CAMTA1: variants seen among roughly 807,000 people sequenced by gnomAD.
The protein encoded by CAMTA1 is calmodulin-binding transcription activator 1.
Under a neutral mutation model 170.9 loss-of-function variants are expected in CAMTA1, and 27 were observed. The observed-to-expected ratio is 0.16, with a 90% CI of 0.12 to 0.22. CAMTA1 has a LOEUF of 0.22. CAMTA1 is among the 10% of genes least tolerant of loss of function. The probability of loss-of-function intolerance (pLI) is 1.00; values close to 1 mark genes in which losing one functional copy is unlikely to be tolerated. For missense variants in CAMTA1, 1,619 were observed against 2,217.2 expected (o/e 0.73, Z 5.42); for synonymous variants, 833 against 891.5 (o/e 0.93, Z 1.17).
chr1:7,077,822 T>C (rs963075560), intron 3 of CAMTA1, among the ~76,000 whole-genome samples: 2 of 152,144 alleles, frequency 1.3e-5, no homozygotes, highest in African/African-American at 2.4e-5. Context: ...TGTGTTCCTG[T>C]AGGCACCAGA....
intron 3 of CAMTA1, among the ~76,000 whole-genome samples, chr1:6,923,862 C>G (rs1039297473): frequency 6.6e-6 from 1 of 152,220 alleles, no homozygotes; most frequent in African/African-American, 2.4e-5. Flanking sequence ...ATCCCCTAGA[C>G]CTGCCAATTT....
rs34289951 is a variant in CAMTA1, at chr1:7,741,944, G to GT, written c.4183-2874dup. Among the ~76,000 whole-genome samples, 1,292 of 137,192 alleles carry GT rather than the reference G, an allele frequency of 9.4e-3. 14 individuals carry two copies. The highest frequency in any genetic ancestry group is 0.015 in the African/African-American group (541 of 36,642). 90.0% of individuals were successfully genotyped at this position (137,192 alleles called of 152,430 possible). A position where few individuals can be genotyped will look rare whatever the true frequency, so the allele number is the denominator to read the frequency against. ...GAGCCACCATGCCCGGCCTCGGGTT[G>GT]TTTTTTTTTTTTTTTTTAAATAAAA... On this transcript the variant is annotated intron_variant, in intron 16 of 22. Coordinates refer to ENST00000303635, the MANE Select transcript of CAMTA1 (RefSeq NM_015215.4).
At chr1:6,915,278 C>T (rs1448469295) in intron 3 of CAMTA1, among the ~76,000 whole-genome samples, 1 of 152,182 alleles carries the variant, frequency 6.6e-6, no homozygotes, top group Admixed American at 6.5e-5. Context: ...ACTCCTTTCA[C>T]TCCAGGAACC....
At chr1:7,126,150 A>G (rs991917697) in intron 4 of CAMTA1, among the ~76,000 whole-genome samples, 1 of 152,162 alleles carries the variant, frequency 6.6e-6, no homozygotes, top group Non-Finnish European at 1.5e-5. Flanking sequence ...AGCTGCCCCC[A>G]TGATTCAGGT....
intron 6 of CAMTA1, among the ~76,000 whole-genome samples, chr1:7,541,089 G>A (rs1181316853): frequency 6.6e-6 from 1 of 152,234 alleles, no homozygotes; most frequent in African/African-American, 2.4e-5. Flanking sequence ...GACCTTCCTC[G>A]AGGCTCCAGC....
At chr1:7,276,303 A>ATATATATATATATTTTTTTTTTTTTTTTT in intron 5 of CAMTA1, among the ~76,000 whole-genome samples, 4 of 24,230 alleles carry the variant, frequency 1.7e-4, no homozygotes, top group Admixed American at 6.5e-4. Context: ...ATATATATAT[A>ATATATATATATATTTTTTTTTTTTTTTTT]TTTTTTTTTT....
At chr1:7,018,705 T>C (rs150541389) in intron 3 of CAMTA1, among the ~76,000 whole-genome samples, 51 of 152,302 alleles carry the variant, frequency 3.3e-4, no homozygotes, top group African/African-American at 1.1e-3. Flanking sequence ...CATGTAGCCC[T>C]GGTAACCACA....
chr1:7,493,321 A>G (rs896054396), intron 6 of CAMTA1, among the ~76,000 whole-genome samples: 2 of 149,076 alleles, frequency 1.3e-5, no homozygotes, highest in African/African-American at 5.0e-5. Flanking sequence ...ACACAAACAA[A>G]CCTACGTACA....
At chr1:7,500,539 T>A (rs1360899855) in intron 6 of CAMTA1, among the ~76,000 whole-genome samples, 1 of 152,132 alleles carries the variant, frequency 6.6e-6, no homozygotes, top group Non-Finnish European at 1.5e-5. Context: ...CTGCGCCCAC[T>A]CTGTGCACGC....
intron 1 of CAMTA1, among the ~76,000 whole-genome samples, chr1:6,790,375 A>AGT (rs370868840): frequency 0.065 from 8,969 of 139,028 alleles, 303 homozygotes; most frequent in Middle Eastern, 0.083. Context: ...AGAGAGAGAG[A>AGT]GTGTGTGTGT....
At position 7,104,017 on chromosome 1, in the gene CAMTA1, C is replaced by G. The variant is rs536533216; in HGVS notation, c.302+12646C>G. Among the ~76,000 whole-genome samples the G allele has an allele frequency of 5.8e-3, 832 of 143,954 alleles. 8 individuals are homozygous for G. The highest frequency in any genetic ancestry group is 0.021 in the African/African-American group (798 of 37,626). The allele number at this position is 143,954 out of a possible 152,430, so 94.4% of individuals were successfully genotyped here. A position where few individuals can be genotyped will look rare whatever the true frequency, so the allele number is the denominator to read the frequency against. ...ACACATGAACACAACACACTACACACATGTACACACTACATATGCATACAA... is the reference window on the plus strand; with the variant it reads ...ACACATGAACACAACACACTACACAGATGTACACACTACATATGCATACAA... On this transcript the variant is annotated intron_variant, in intron 4 of 22. Transcript: ENST00000303635.
At chr1:7,501,209 G>A (rs1200119512) in intron 6 of CAMTA1, among the ~76,000 whole-genome samples, 1 of 152,128 alleles carries the variant, frequency 6.6e-6, no homozygotes, top group Admixed American at 6.5e-5. Context: ...CTCAGTCCCT[G>A]CCCTTCCAGT....
intron 4 of CAMTA1, among the ~76,000 whole-genome samples, chr1:7,107,415 A>G (rs934572684): frequency 5.9e-5 from 9 of 152,118 alleles, no homozygotes; most frequent in Non-Finnish European, 1.0e-4. Context: ...GTGAATTTCA[A>G]TCAGAAAACC....
chr1:6,928,280 G>A (rs537359622), intron 3 of CAMTA1, among the ~76,000 whole-genome samples: 25 of 152,284 alleles, frequency 1.6e-4, no homozygotes, highest in South Asian at 1.0e-3. Flanking sequence ...GTTTTGGTGC[G>A]TACGTGCCCT....
chr1:7,077,429 A>G (rs1639447766), intron 3 of CAMTA1, among the ~76,000 whole-genome samples: 1 of 150,834 alleles, frequency 6.6e-6, no homozygotes, highest in Non-Finnish European at 1.5e-5. Flanking sequence ...TGAGTGTTGT[A>G]CCCCTTGTAT....
intron 5 of CAMTA1, among the ~76,000 whole-genome samples, chr1:7,414,260 A>G (rs554302741): frequency 6.6e-6 from 1 of 152,192 alleles, no homozygotes; most frequent in Non-Finnish European, 1.5e-5. Flanking sequence ...TATCAGGATG[A>G]TGCTGGCCTC....
In CAMTA1 at chr1:6,939,934, G is replaced by A. The variant is rs185565867; in HGVS notation, c.234+114724G>A. 2.0e-5 allele frequency among the ~76,000 whole-genome samples: 3 copies of A among 152,354 alleles called. No homozygotes were observed. The East Asian group carries it at 5.8e-4, about 29-fold the overall frequency. On this transcript the variant is annotated intron_variant, in intron 3 of 22. Transcript: ENST00000303635. ...ACAGAGCAGGCATGAGCAGATGCTC[G>A]CTGGATGAATGCATGCATGACTGTG...
chr1:7,551,876 C>T lies in CAMTA1; in HGVS notation c.510+83975C>T, dbSNP rs1403274148. On this transcript the variant is annotated intron_variant, in intron 6 of 22. Transcript: ENST00000303635. ...CATTCCTGATGGCCTCAGCACAGAA[C>T]CAAGCACAGAAAAACCCCCAGGGAG... is the stretch of plus-strand genomic sequence containing the variant. 2.0e-5 allele frequency among the ~76,000 whole-genome samples: 3 copies of T among 152,214 alleles called. No homozygotes were observed. The East Asian group carries it at 5.8e-4, about 29-fold the overall frequency.
intron 3 of CAMTA1, among the ~76,000 whole-genome samples, chr1:7,087,704 G>T (rs56379193): frequency 6.6e-6 from 1 of 152,124 alleles, no homozygotes; most frequent in South Asian, 2.1e-4. Context: ...CTGTAAAGTG[G>T]CCATGGTTCC....
Sources: gnomAD v4.1 joint callset for allele counts (sites outside exome capture counted in the v4.1 genomes callset) on GRCh38, gnomAD v4.1.1 for gene constraint, MANE v1.5 for transcripts, NCBI Gene and HGNC (gene_info 2026-07-23, HGNC 2026-07-21) for gene names.